The following TTF1 variants were observed in gnomAD, a reference collection of about 807,000 sequenced individuals.
TTF1 encodes the protein transcription termination factor 1, also known as transcription termination factor, RNA polymerase I.
In TTF1, 64 loss-of-function variants were observed where a neutral mutation model predicts 80.2. That is an observed-to-expected ratio of 0.80 (90% CI 0.65 to 0.98). TTF1 has a LOEUF of 0.98. Ranked by LOEUF, TTF1 falls within the 50% of genes least tolerant of loss-of-function variation. TTF1 has a pLI of 0.00. For synonymous variants in TTF1, 372 were observed against 382.7 expected (o/e 0.97, Z 0.33); for missense variants, 1,023 against 1,086.2 (o/e 0.94, Z 0.82).
Position 132,376,138 on chromosome 9 carries a change from A to G in TTF1, c.2495T>C (p.Leu832Pro). Residue 832 changes from leucine to proline, a missense_variant, in exon 11 of 11, where the codon CTA (leucine) becomes CCA (proline). Transcript: ENST00000334270. ...TTCTAACTTTTCCTTCAGCAAAGGT[A>G]GAGTCGTCTCATAAAGGTAGTCGAT... ...EIIDYLYETT[L>P]PLLKEKLEKM... The G allele has an allele frequency of 5.6e-6, 9 of 1,613,798 alleles. No homozygotes were observed. The highest frequency in any genetic ancestry group is 7.6e-6 in the Non-Finnish European group (9 of 1,179,992).
chr9:132,384,599 G>A lies in TTF1; in HGVS notation c.2378+1957C>T, dbSNP rs978397721. Among the ~76,000 whole-genome samples the A allele has an allele frequency of 1.3e-5, 2 of 152,164 alleles. No individual in the cohort carries two copies. The highest frequency in any genetic ancestry group is 4.8e-5 in the African/African-American group (2 of 41,444). ...AGATACTGGTTTCCTGTAGGGCTAC[G>A]CGTGGCTGGTGAGTGGTAAGGGGAC... On this transcript the variant is annotated intron_variant, in intron 9 of 10. Transcript: ENST00000334270. This position sits in a 1 kb window ranked among gnomAD's most constrained non-coding sequence, Gnocchi z 4.1.
intron 5 of TTF1, among the ~76,000 whole-genome samples, chr9:132,392,666 C>CCCT (rs1849581670): frequency 6.6e-6 from 1 of 152,194 alleles, no homozygotes; most frequent in African/African-American, 2.4e-5. Flanking sequence ...TGCACTGGCT[C>CCCT]CCTTGTTCAT....
At position 132,390,678 on chromosome 9, in the gene TTF1, T is replaced by C. The variant is rs1849543947; in HGVS notation, c.2141A>G (p.Glu714Gly). 6.2e-7 allele frequency: 1 copy of C among 1,614,278 alleles called. No individual in the cohort carries two copies. Among genetic ancestry groups the C allele is most frequent in the Non-Finnish European group, 8.5e-7 (1 of 1,180,052 alleles). Residue 714 changes from glutamate (E) to glycine (G), a missense_variant, in exon 7 of 11, where the codon GAA (glutamate) becomes GGA (glycine). By Grantham distance (98) the Glu-to-Gly change is moderately conservative. Coordinates refer to ENST00000334270, the MANE Select transcript of TTF1 (RefSeq NM_007344.4). ...NPESCLSIVR[E>G]KLYKGISWVE... ...CCAAGATATGCCCTTGTAGAGTTTTTCCCGAACAATTGATAGGCAACTTTC... is the reference window on the plus strand; with the variant it reads ...CCAAGATATGCCCTTGTAGAGTTTTCCCCGAACAATTGATAGGCAACTTTC...
In TTF1 at chr9:132,378,589, ATGCATGTGGTGTGAG is replaced by A. The variant is rs1433333484; in HGVS notation, c.2464+455_2464+469del. On this transcript the variant is annotated intron_variant, in intron 10 of 10. Coordinates refer to ENST00000334270, the MANE Select transcript of TTF1 (RefSeq NM_007344.4). ...TGGTGTGAGTGCATGTGGTGTGTGA[ATGCATGTGGTGTGAG>A]TGCATGTGGTGTGAGTGCATGTGGT... Among the ~76,000 whole-genome samples the A allele has an allele frequency of 1.4e-3, 66 of 46,278 alleles. 3 individuals are homozygous for A. Among genetic ancestry groups the A allele is most frequent in the Middle Eastern group, 0.045 (2 of 44 alleles). The allele number at this position is 46,278 out of a possible 152,430, so 30.4% of individuals were successfully genotyped here.
intron 3 of TTF1, 80 bp downstream of exon 3, chr9:132,399,955 C>T (rs892769707): frequency 7.1e-7 from 1 of 1,406,176 alleles, no homozygotes; most frequent in Admixed American, 1.7e-5. Flanking sequence ...ATCTATAAAT[C>T]TGAATCATCC....
chr9:132,398,152 C>G lies in TTF1; in HGVS notation c.1766G>C (p.Arg589Thr). ...GTTTCTAAACTTACCAATGTGTAAT[C>G]TAAACGAGTATCTCCTTTTTAAGTT... ...ITNLKRRYSF[R>T]LHIGRNIARP... The change falls in exon 4 of 11, where the codon AGA becomes ACA. Residue 589 changes from arginine to threonine, a missense_variant. Coordinates refer to ENST00000334270, the MANE Select transcript of TTF1 (RefSeq NM_007344.4). 1 of 1,584,180 alleles carries G rather than the reference C, an allele frequency of 6.3e-7. No homozygotes were observed. The highest frequency in any genetic ancestry group is 8.5e-7 in the Non-Finnish European group (1 of 1,171,014).
Position 132,399,198 on chromosome 9 carries a change from CAAAAAAAAAAAAAAAA to C in TTF1, c.1591+821_1591+836del, listed in dbSNP as rs1342624640. 3.3e-4 allele frequency among the ~76,000 whole-genome samples: 16 copies of C among 48,260 alleles called. 1 individual carries two copies. Among genetic ancestry groups the C allele is most frequent in the African/African-American group, 1.2e-3 (16 of 13,778 alleles). The allele number at this position is 48,260 out of a possible 152,430, so 31.7% of individuals were successfully genotyped here. A position where few individuals can be genotyped will look rare whatever the true frequency, so the allele number is the denominator to read the frequency against. Reference sequence around the variant, plus strand: ...TGGGCTACAGAGCAAGACTCTGTCTCAAAAAAAAAAAAAAAAGAAAAAAAAAAAAGTCTTTTATGAA... The same window carrying C: ...TGGGCTACAGAGCAAGACTCTGTCTCGAAAAAAAAAAAAGTCTTTTATGAA... On this transcript the variant is annotated intron_variant, in intron 3 of 10. Coordinates refer to ENST00000334270, the MANE Select transcript of TTF1 (RefSeq NM_007344.4).
Position 132,398,287 on chromosome 9 carries a change from T to C in TTF1, c.1631A>G (p.Asn544Ser), listed in dbSNP as rs1287186274. ...TTCCACATTTTTCTCTAACTGCTTATTTTCCTTTACAGAAAACTTGCCAAA... is the reference window on the plus strand; with the variant it reads ...TTCCACATTTTTCTCTAACTGCTTACTTTCCTTTACAGAAAACTTGCCAAA... The part of the protein sequence containing the change: ...IKFGKFSVKE[N>S]KQLEKNVEDF... The change falls in exon 4 of 11, where the codon AAT becomes AGT. Residue 544 changes from asparagine to serine, a missense_variant. Transcript: ENST00000334270. 3.2e-5 allele frequency: 51 copies of C among 1,609,084 alleles called. No homozygotes were observed. Among genetic ancestry groups the C allele is most frequent in the Non-Finnish European group, 4.2e-5 (50 of 1,178,396 alleles).
intron 7 of TTF1, among the ~76,000 whole-genome samples, chr9:132,389,669 A>T (rs1849527166): frequency 6.6e-6 from 1 of 152,170 alleles, no homozygotes; most frequent in Admixed American, 6.5e-5. Flanking sequence ...AGAGCCACTG[A>T]GTGCCCTTCA....
At chr9:132,398,103 G>C in intron 4 of TTF1, 38 bp downstream of exon 4, 2 of 1,501,286 alleles carry the variant, frequency 1.3e-6, no homozygotes, top group South Asian at 2.7e-5. Flanking sequence ...TGGCTGGAAG[G>C]CTGTGGATGG....
rs367680196 is a variant in TTF1, at chr9:132,402,549, A to G, written c.273T>C (p.Tyr91=). ...STLKKRKKRR[Y]SALEVDEEAG... ...CTTCCTCGTCCACCTCCAAAGCACT[A>G]TATCTTCTCTTTTTTCTCTTTTTGA... The change falls in exon 2 of 11, where the codon TAT becomes TAC. Residue 91 remains tyrosine (Y), a synonymous_variant. Transcript: ENST00000334270. 4.7e-5 allele frequency: 76 copies of G among 1,614,080 alleles called. No individual in the cohort carries two copies. The highest frequency in any genetic ancestry group is 8.0e-5 in the African/African-American group (6 of 74,922).
intron 7 of TTF1, among the ~76,000 whole-genome samples, chr9:132,389,005 C>G (rs938056340): frequency 1.3e-5 from 2 of 152,108 alleles, no homozygotes; most frequent in Admixed American, 1.3e-4. Context: ...CAATGTTACA[C>G]AAGGTAAATA....
chr9:132,378,289 GGTGAGTGCATGTGGTGT>G (rs1849283430), intron 10 of TTF1, among the ~76,000 whole-genome samples: 1 of 106,914 alleles, frequency 9.4e-6, no homozygotes, highest in African/African-American at 3.7e-5. Context: ...GAATGCATGT[GGTGAGTGCATGTGGTGT>G]GTGTGAGTGC....
chr9:132,406,489 C>A (rs1849869609), intron 1 of TTF1, among the ~76,000 whole-genome samples: 1 of 151,970 alleles, frequency 6.6e-6, no homozygotes, highest in Non-Finnish European at 1.5e-5. Flanking sequence ...ATAATCCCAG[C>A]TACTCGGGAG....
At chr9:132,394,126 C>T (rs750999595) in intron 5 of TTF1, among the ~76,000 whole-genome samples, 42 of 151,958 alleles carry the variant, frequency 2.8e-4, no homozygotes, top group Non-Finnish European at 5.0e-4. Flanking sequence ...TGGTCTCAAA[C>T]TCCTAATCCA....
chr9:132,399,899 C>G (rs1405241240), intron 3 of TTF1, 136 bp downstream of exon 3: 1 of 933,932 alleles, frequency 1.1e-6, no homozygotes, highest in African/African-American at 1.7e-5. Flanking sequence ...TTGGACAATT[C>G]TGGTAGGAGA....
chr9:132,401,152 A>G (rs1312478815), intron 2 of TTF1, among the ~76,000 whole-genome samples: 6 of 152,136 alleles, frequency 3.9e-5, no homozygotes, highest in African/African-American at 1.2e-4. Flanking sequence ...TAACAAGGAC[A>G]AACGTCGTCT....
At chr9:132,390,892 A>G in intron 6 of TTF1, 61 bp from the exon 7 acceptor site, 1 of 1,466,148 alleles carries the variant, frequency 6.8e-7, no homozygotes, top group South Asian at 1.2e-5. Context: ...ACACAATATT[A>G]AAAATGAAAT....
In TTF1 at chr9:132,402,359, T is replaced by G; in HGVS notation, c.463A>C (p.Lys155Gln). 6.2e-7 allele frequency: 1 copy of G among 1,614,190 alleles called. No homozygotes were observed. Residue 155 changes from lysine to glutamine, a missense_variant, in exon 2 of 11, where the codon AAA (lysine) becomes CAA (glutamine). By Grantham distance (53) the Lys-to-Gln change is moderately conservative (BLOSUM62 1). Transcript: ENST00000334270. ...FQVLAKSHAH[K>Q]SEALHSKVRE... ...ACTTTACTGTGCAGGGCTTCTGATT[T>G]ATGTGCATGTGACTTAGCAAGTACC... is the stretch of plus-strand genomic sequence containing the variant.
Sources: gnomAD v4.1 joint callset for allele counts (sites outside exome capture counted in the v4.1 genomes callset) on GRCh38, gnomAD v4.1.1 for gene constraint, Gnocchi (gnomAD v3.1) non-coding constraint, MANE v1.5 for transcripts, NCBI Gene and HGNC (gene_info 2026-07-23, HGNC 2026-07-21) for gene names.